Variants in DIAPH2 observed in about 807,000 individuals in gnomAD.
The protein encoded by DIAPH2 is diaphanous related formin 2, also known as protein diaphanous homolog 2.
In DIAPH2, 35 loss-of-function variants were observed where a neutral mutation model predicts 92.7. The ratio of observed to expected loss-of-function variants is 0.38; its 90% confidence interval spans 0.29 to 0.50. The LOEUF (loss-of-function observed/expected upper bound fraction) is 0.50, where lower values mean the gene tolerates loss of function less well. DIAPH2 is among the 20% of genes least tolerant of loss of function. DIAPH2 has a pLI of 0.94. For missense variants in DIAPH2, 701 were observed against 819.5 expected (o/e 0.86, Z 1.77); for synonymous variants, 301 against 280.4 (o/e 1.07, Z -0.73).
intron 23 of DIAPH2, among the ~76,000 whole-genome samples, chrX:97,275,767 G>A (rs1330106651): frequency 3.6e-4 from 39 of 108,884 alleles, no homozygotes; most frequent in Non-Finnish European, 6.3e-4. Context: ...GATGGCGGCC[G>A]GGAAGAGGCG....
intron 24 of DIAPH2, among the ~76,000 whole-genome samples, chrX:97,382,578 G>C (rs2069561047): frequency 8.9e-6 from 1 of 112,013 alleles, no homozygotes; most frequent in African/African-American, 3.2e-5. Flanking sequence ...TTAAAATTAT[G>C]ATTCTAGTAT....
At chrX:96,925,744 T>C (rs1375408227) in intron 9 of DIAPH2, among the ~76,000 whole-genome samples, 1 of 111,876 alleles carries the variant, frequency 8.9e-6, no homozygotes, top group Non-Finnish European at 1.9e-5. Flanking sequence ...AAATACTTCA[T>C]CTGGCTGTTG....
rs185786097 is a variant in DIAPH2 at position 96,891,767 on chromosome X, G to A, written c.587+10049G>A. On this transcript the variant is annotated intron_variant, in intron 5 of 26. Transcript: ENST00000324765. ...GCTTTAGGGGTATTTTACCCCACGAGGAAATTGTTTTTTCTGTTTGGTTGG... is the reference window on the plus strand; with the variant it reads ...GCTTTAGGGGTATTTTACCCCACGAAGAAATTGTTTTTTCTGTTTGGTTGG... Among the ~76,000 whole-genome samples, 422 of 111,819 alleles carry A rather than the reference G, an allele frequency of 3.8e-3. 1 individual carries two copies. Among genetic ancestry groups the A allele is most frequent in the African/African-American group, 0.013 (400 of 30,813 alleles).
chrX:96,980,239 G>A (rs1354299930), intron 17 of DIAPH2, among the ~76,000 whole-genome samples: 5 of 111,392 alleles, frequency 4.5e-5, no homozygotes, highest in Admixed American at 2.9e-4. Context: ...GTAAATGTAG[G>A]GGATGTTATT....
chrX:97,482,804 T>C (rs1328528920), intron 26 of DIAPH2, among the ~76,000 whole-genome samples: 1 of 112,141 alleles, frequency 8.9e-6, no homozygotes, highest in East Asian at 2.8e-4. Context: ...TGGAAGCACT[T>C]CTGGGCATAG....
At chrX:96,879,854 C>T (rs183372547) in intron 4 of DIAPH2, among the ~76,000 whole-genome samples, 2 of 110,398 alleles carry the variant, frequency 1.8e-5, no homozygotes, top group Admixed American at 1.9e-4. Context: ...CTTAGCCTCA[C>T]GAGTTGCTGG....
intron 24 of DIAPH2, among the ~76,000 whole-genome samples, chrX:97,368,990 C>G (rs754799520): frequency 1.5e-4 from 15 of 100,193 alleles, no homozygotes; most frequent in Admixed American, 2.4e-4. Context: ...ACTGCACAAC[C>G]TCCACCTCCC....
intron 26 of DIAPH2, among the ~76,000 whole-genome samples, chrX:97,487,689 T>A (rs1212995372): frequency 6.2e-5 from 7 of 112,261 alleles, no homozygotes; most frequent in Admixed American, 3.8e-4. Flanking sequence ...TCATTTTACA[T>A]TCCCACTAAC....
intron 23 of DIAPH2, among the ~76,000 whole-genome samples, chrX:97,256,716 G>A (rs1385759611): frequency 9.0e-6 from 1 of 111,575 alleles, no homozygotes; most frequent in Non-Finnish European, 1.9e-5. Flanking sequence ...CCAGGCTGGA[G>A]TGCAGTGGCG....
intron 16 of DIAPH2, among the ~76,000 whole-genome samples, chrX:96,962,338 CAT>C (rs59386635): frequency 0.033 from 1,098 of 33,412 alleles, 65 homozygotes; most frequent in African/African-American, 0.063. Context: ...TATATATATA[CAT>C]ATATATATAT....
chrX:97,358,948 A>G (rs2069295762), intron 24 of DIAPH2, among the ~76,000 whole-genome samples: 1 of 112,072 alleles, frequency 8.9e-6, no homozygotes, highest in South Asian at 3.7e-4. Flanking sequence ...TCTTGTAAAA[A>G]GGCTAGTGGA....
At chrX:96,766,094 A>G (rs2147608242) in intron 4 of DIAPH2, among the ~76,000 whole-genome samples, 1 of 110,352 alleles carries the variant, frequency 9.1e-6, no homozygotes, top group Admixed American at 9.8e-5. Flanking sequence ...TCCACAATGT[A>G]CACAGCTTCT....
chrX:97,042,863 A>G (rs2066456648), intron 17 of DIAPH2, among the ~76,000 whole-genome samples: 1 of 111,991 alleles, frequency 8.9e-6, no homozygotes, highest in South Asian at 3.6e-4. Flanking sequence ...TAAGTATGAA[A>G]TCCATTGAAG....
chrX:96,949,056 T>A lies in DIAPH2; in HGVS notation c.1614+17T>A, dbSNP rs752288985. On this transcript the variant is annotated intron_variant, in intron 15 of 26. Coordinates refer to ENST00000324765, the MANE Select transcript of DIAPH2 (RefSeq NM_006729.5). ...CGAACCCAGGTAATGAAAGAAGATA[T>A]AGACTTTGTGTCATGTCACAATGAG... 1 of 1,080,732 alleles carries A rather than the reference T, an allele frequency of 9.3e-7. No individual in the cohort carries two copies. Among genetic ancestry groups the A allele is most frequent in the South Asian group, 2.1e-5 (1 of 47,916 alleles). The allele number at this position is 1,080,732 out of a possible 1,213,427, so 89.1% of individuals were successfully genotyped here.
intron 17 of DIAPH2, among the ~76,000 whole-genome samples, chrX:97,016,122 G>T (rs1385654477): frequency 3.6e-5 from 4 of 112,032 alleles, no homozygotes. Flanking sequence ...CAATATGTTG[G>T]TGATGAATTT....
intron 1 of DIAPH2, among the ~76,000 whole-genome samples, chrX:96,703,698 T>C (rs888446188): frequency 1.8e-5 from 2 of 111,855 alleles, no homozygotes; most frequent in African/African-American, 6.5e-5. Context: ...ATTTATGACA[T>C]ACAAAACTAG....
At chrX:97,196,846 G>A (rs1263513230) in intron 22 of DIAPH2, among the ~76,000 whole-genome samples, 6 of 106,905 alleles carry the variant, frequency 5.6e-5, no homozygotes, top group African/African-American at 2.1e-4. Context: ...GAGTGCAGTG[G>A]TGTGATTTTG....
At chrX:97,476,016 C>T (rs773499697) in intron 26 of DIAPH2, among the ~76,000 whole-genome samples, 1 of 110,230 alleles carries the variant, frequency 9.1e-6, no homozygotes, top group Non-Finnish European at 1.9e-5. Context: ...TTAATTGGAG[C>T]TTTGTGTTGT....
intron 4 of DIAPH2, among the ~76,000 whole-genome samples, chrX:96,879,417 G>C (rs2065199017): frequency 9.0e-6 from 1 of 110,878 alleles, no homozygotes; most frequent in Non-Finnish European, 1.9e-5. Flanking sequence ...AAATAACTTT[G>C]AGGATTATAT....
Sources: allele counts gnomAD v4.1 joint callset (sites outside exome capture counted in the v4.1 genomes callset), GRCh38; gene constraint gnomAD v4.1.1; transcripts MANE v1.5; gene names NCBI Gene and HGNC (gene_info 2026-07-23, HGNC 2026-07-21).